The following ARID2 variants were observed in gnomAD, a reference collection of about 807,000 sequenced individuals.
The protein encoded by ARID2 is AT-rich interactive domain-containing protein 2.
Under a neutral mutation model 184.6 loss-of-function variants are expected in ARID2, and 32 were observed. The observed-to-expected ratio is 0.17, with a 90% CI of 0.13 to 0.23. The LOEUF (loss-of-function observed/expected upper bound fraction) is 0.23. ARID2 is among the 10% of genes least tolerant of loss of function. The pLI, the probability that ARID2 is intolerant of heterozygous loss-of-function variation, is 1.00. For missense variants in ARID2, 1,696 were observed against 2,197.6 expected, an observed-to-expected ratio of 0.77 and a Z score of 4.56; for synonymous variants, 836 against 772.6, an observed-to-expected ratio of 1.08 and a Z score of -1.36.
chr12:45,785,015 A>G (rs1233692326), intron 3 of ARID2, among the ~76,000 whole-genome samples: 1 of 152,362 alleles, frequency 6.6e-6, no homozygotes, highest in Admixed American at 6.5e-5. Context: ...ATAATAAATT[A>G]TGAATAAACA....
At chr12:45,796,383 G>A (rs2138061717) in intron 3 of ARID2, among the ~76,000 whole-genome samples, 1 of 152,110 alleles carries the variant, frequency 6.6e-6, no homozygotes, top group East Asian at 1.9e-4. Flanking sequence ...TGGATAGTTA[G>A]GTTGTTTTTC....
intron 15 of ARID2, among the ~76,000 whole-genome samples, chr12:45,853,992 TTTAC>T (rs1943601454): frequency 6.6e-6 from 1 of 152,182 alleles, no homozygotes; most frequent in Non-Finnish European, 1.5e-5. Flanking sequence ...TTCATCTGTA[TTTAC>T]TTACAGCCGC....
In ARID2 at chr12:45,852,890, C is replaced by A. The variant is rs2138182169; in HGVS notation, c.4767C>A (p.Val1589=). 5 of 1,569,264 alleles carry A rather than the reference C, an allele frequency of 3.2e-6. No homozygotes were observed. Among genetic ancestry groups the A allele is most frequent in the Non-Finnish European group, 4.3e-6 (5 of 1,157,036 alleles). Residue 1589 remains valine, a synonymous_variant, in exon 15 of 21, where the codon GTC becomes GTA. Coordinates refer to ENST00000334344, the MANE Select transcript of ARID2 (RefSeq NM_152641.4). ...QHPPTYVQNV[V]PQNTPMPPSP... Reference sequence around the variant, plus strand: ...CACCAACATATGTACAGAATGTGGTCCCGCAGGTAAGTTATTCCATGATCA... The same window carrying A: ...CACCAACATATGTACAGAATGTGGTACCGCAGGTAAGTTATTCCATGATCA...
At chr12:45,730,171 G>C in intron 2 of ARID2, 34 bp downstream of exon 2, 5 of 1,604,558 alleles carry the variant, frequency 3.1e-6, no homozygotes, top group Non-Finnish European at 4.3e-6. Context: ...TTTCCCTCTC[G>C]CTGGCCTCCT....
At chr12:45,896,940 G>C (rs766937510) in intron 20 of ARID2, among the ~76,000 whole-genome samples, 3 of 152,118 alleles carry the variant, frequency 2.0e-5, no homozygotes, top group Non-Finnish European at 4.4e-5. Flanking sequence ...AGAAAAATTC[G>C]TACTAGAATT....
At chr12:45,839,589 A>G (rs1432803860) in intron 11 of ARID2, 93 bp downstream of exon 11, 4 of 1,427,678 alleles carry the variant, frequency 2.8e-6, no homozygotes, top group Non-Finnish European at 2.8e-6. Flanking sequence ...TAGAGAACTG[A>G]TATTTTACAG....
At chr12:45,835,867 T>A (rs1197593191) in intron 6 of ARID2, among the ~76,000 whole-genome samples, 3 of 151,044 alleles carry the variant, frequency 2.0e-5, no homozygotes, top group Admixed American at 6.6e-5. Flanking sequence ...GCCATTGCAC[T>A]CCAGCCTGGG....
At chr12:45,740,269 CT>C (rs923134320) in intron 3 of ARID2, among the ~76,000 whole-genome samples, 1 of 151,938 alleles carries the variant, frequency 6.6e-6, no homozygotes, top group Non-Finnish European at 1.5e-5. Context: ...TTATTTTCTT[CT>C]TTTTTTGCCA....
At chr12:45,782,959 T>A (rs975530921) in intron 3 of ARID2, among the ~76,000 whole-genome samples, 1 of 151,244 alleles carries the variant, frequency 6.6e-6, no homozygotes, top group Non-Finnish European at 1.5e-5. Context: ...AAATGCAAAA[T>A]AAATAAATAA....
In ARID2 at chr12:45,890,970, G is replaced by T. The variant is rs568334770; in HGVS notation, c.4923-810G>T. On this transcript the variant is annotated intron_variant, in intron 16 of 20. Transcript: ENST00000334344. ...TCATGAGGTCAGGAATTCGAGACCA[G>T]CCTGGCCAACATGGTGAAACCCCGT... Among the ~76,000 whole-genome samples the T allele has an allele frequency of 1.9e-4, 29 of 152,112 alleles. No homozygotes were observed. The East Asian group carries it at 5.0e-3, about 26-fold the overall frequency.
intron 6 of ARID2, 75 bp from the exon 7 acceptor site, chr12:45,836,514 C>A: frequency 7.2e-7 from 1 of 1,381,326 alleles, no homozygotes; most frequent in Non-Finnish European, 9.9e-7. Context: ...CCATACCTAG[C>A]CTGTGTGTGA....
intron 6 of ARID2, among the ~76,000 whole-genome samples, chr12:45,828,051 A>G (rs1291679987): frequency 6.6e-6 from 1 of 152,096 alleles, no homozygotes; most frequent in African/African-American, 2.4e-5. Flanking sequence ...GTGTATATGT[A>G]TAACACATAC....
At chr12:45,776,495 T>C (rs1941982396) in intron 3 of ARID2, among the ~76,000 whole-genome samples, 11 of 152,216 alleles carry the variant, frequency 7.2e-5, no homozygotes, top group Admixed American at 7.2e-4. Flanking sequence ...GATAGGTGTT[T>C]ATATAAATCA....
intron 3 of ARID2, among the ~76,000 whole-genome samples, chr12:45,799,754 C>T (rs1942460121): frequency 6.6e-6 from 1 of 152,006 alleles, no homozygotes; most frequent in Non-Finnish European, 1.5e-5. Context: ...TTACTAAATA[C>T]CAAAAGATAT....
intron 16 of ARID2, among the ~76,000 whole-genome samples, chr12:45,873,515 T>A (rs879544655): frequency 1.3e-5 from 2 of 152,164 alleles, no homozygotes; most frequent in African/African-American, 2.4e-5. Flanking sequence ...CATTTGTGGT[T>A]ATTTTAGAGT....
rs536726026 is a variant in ARID2, at chr12:45,763,195, G to A, written c.284+31881G>A. On this transcript the variant is annotated intron_variant, in intron 3 of 20. Transcript: ENST00000334344. ...TTAAAGTCATAAAATGTGAGGCAAG[G>A]TGCGGTGGCTCACGCCTGTAATCCC... is the stretch of plus-strand genomic sequence containing the variant. Among the ~76,000 whole-genome samples, 3 of 152,354 alleles carry A rather than the reference G, an allele frequency of 2.0e-5. No individual in the cohort carries two copies. The East Asian group carries it at 5.8e-4, about 29-fold the overall frequency.
In ARID2 at chr12:45,852,403, C is replaced by G. The variant is rs2138178541; in HGVS notation, c.4280C>G (p.Ser1427Cys). ...CCTGTATTAACTTTGGGTGGTTCATCTGTGAGCAGTATACAGGAGGCTTCA... is the reference window on the plus strand; with the variant it reads ...CCTGTATTAACTTTGGGTGGTTCATGTGTGAGCAGTATACAGGAGGCTTCA... ...NGPVLTLGGSSVSSIQEASNA... is the reference protein window; with the variant it reads ...NGPVLTLGGSCVSSIQEASNA... The change falls in exon 15 of 21, where the codon TCT becomes TGT. Residue 1427 changes from serine to cysteine, a missense_variant. Physicochemically the swap from Ser to Cys is moderately radical, Grantham distance 112 (BLOSUM62 -1). This residue lies in a region of ARID2 where 428 missense variants were observed against 409.1 expected (regional missense o/e 1.05). Coordinates refer to ENST00000334344, the MANE Select transcript of ARID2 (RefSeq NM_152641.4). The G allele has an allele frequency of 5.0e-6, 8 of 1,614,158 alleles. No homozygotes were observed. The highest frequency in any genetic ancestry group is 6.8e-6 in the Non-Finnish European group (8 of 1,180,018).
Position 45,738,281 on chromosome 12 carries a change from T to C in ARID2, c.284+6967T>C, listed in dbSNP as rs149668567. On this transcript the variant is annotated intron_variant, in intron 3 of 20. Coordinates refer to ENST00000334344, the MANE Select transcript of ARID2 (RefSeq NM_152641.4). Reference sequence around the variant, plus strand: ...TGTTTAATGTCCACCAGCTTTGTTTTTCAAAACATTTTCATATGGGAGATT... The same window carrying C: ...TGTTTAATGTCCACCAGCTTTGTTTCTCAAAACATTTTCATATGGGAGATT... Among the ~76,000 whole-genome samples, 830 of 152,288 alleles carry C rather than the reference T, an allele frequency of 5.5e-3. 7 individuals are homozygous for C. Among genetic ancestry groups the C allele is most frequent in the African/African-American group, 0.019 (792 of 41,548 alleles).
Position 45,852,539 on chromosome 12 carries a change from T to G in ARID2, c.4416T>G (p.His1472Gln). 3 of 1,614,188 alleles carry G rather than the reference T, an allele frequency of 1.9e-6. No individual in the cohort carries two copies. The highest frequency in any genetic ancestry group is 1.7e-6 in the Non-Finnish European group (2 of 1,180,012). The change falls in exon 15 of 21, where the codon CAT becomes CAG. Residue 1472 changes from histidine (H) to glutamine (Q), a missense_variant. His to Gln is a conservative substitution (Grantham distance 24). Transcript: ENST00000334344. ...QQRPSVVVSPHSTTSVIQGHQ... is the reference protein window; with the variant it reads ...QQRPSVVVSPQSTTSVIQGHQ... ...GCCCAAGTGTAGTTGTCTCACCACATTCTACAACCTCTGTTATACAGGGAC... is the reference window on the plus strand; with the variant it reads ...GCCCAAGTGTAGTTGTCTCACCACAGTCTACAACCTCTGTTATACAGGGAC...
Sources: allele counts gnomAD v4.1 joint callset (sites outside exome capture counted in the v4.1 genomes callset), GRCh38; gene constraint gnomAD v4.1.1; regional missense constraint gnomAD v4.1.1; transcripts MANE v1.5; gene names NCBI Gene and HGNC (gene_info 2026-07-23, HGNC 2026-07-21).